STARD13: variants seen among roughly 807,000 people sequenced by gnomAD.
The protein encoded by STARD13 is stAR-related lipid transfer protein 13.
In STARD13, 62 loss-of-function variants were observed where a neutral mutation model predicts 106.4. That is an observed-to-expected ratio of 0.58 (90% CI 0.48 to 0.72). The LOEUF (loss-of-function observed/expected upper bound fraction) is 0.72, where lower values mean the gene tolerates loss of function less well. Ranked by LOEUF, STARD13 falls within the 30% of genes least tolerant of loss-of-function variation. STARD13 has a pLI of 0.00. For missense variants in STARD13, 1,387 were observed against 1,424.0 expected, an observed-to-expected ratio of 0.97 and a Z score of 0.42; for synonymous variants, 565 against 553.0, an observed-to-expected ratio of 1.02 and a Z score of -0.31.
chr13:33,311,357 T>G (rs1468179327), intron 1 of STARD13, among the ~76,000 whole-genome samples: 1 of 152,074 alleles, frequency 6.6e-6, no homozygotes, highest in African/African-American at 2.4e-5. Flanking sequence ...GCAGCTCCAT[T>G]ATAATCTTAT....
intron 1 of STARD13, among the ~76,000 whole-genome samples, chr13:33,263,877 T>C (rs975996323): frequency 2.0e-5 from 3 of 152,200 alleles, no homozygotes; most frequent in African/African-American, 7.2e-5. Context: ...ACTCCTCCGA[T>C]TGAATAATGG....
the STARD13 span, among the ~76,000 whole-genome samples, chr13:33,653,332 A>G: frequency 6.7e-6 from 1 of 150,330 alleles, no homozygotes; most frequent in Non-Finnish European, 1.5e-5. Context: ...GGATAGACAT[A>G]TAGACTAATG....
chr13:33,351,766 T>C (rs998314117), upstream of STARD13, among the ~76,000 whole-genome samples: 4 of 152,238 alleles, frequency 2.6e-5, no homozygotes, highest in African/African-American at 2.4e-5. Context: ...TAATCAGATA[T>C]TCATTTTAAT....
At chr13:33,140,724 A>G (rs994068606) in intron 4 of STARD13, among the ~76,000 whole-genome samples, 1 of 150,264 alleles carries the variant, frequency 6.7e-6, no homozygotes, top group African/African-American at 2.4e-5. Context: ...GGCTTTAATG[A>G]TTTCTCTGTG....
the STARD13 span, among the ~76,000 whole-genome samples, chr13:33,617,272 A>G: frequency 6.6e-6 from 1 of 152,194 alleles, no homozygotes; most frequent in Non-Finnish European, 1.5e-5. Flanking sequence ...GGTACCATGT[A>G]CAGTGTATAT....
the STARD13 span, among the ~76,000 whole-genome samples, chr13:33,432,582 A>G: frequency 6.6e-6 from 1 of 152,230 alleles, no homozygotes; most frequent in Non-Finnish European, 1.5e-5. Context: ...GCTAGACTGC[A>G]GTCAGTACGA....
the STARD13 span, among the ~76,000 whole-genome samples, chr13:33,548,309 T>C: frequency 2.6e-5 from 4 of 152,178 alleles, no homozygotes; most frequent in South Asian, 8.3e-4. Flanking sequence ...TCTTCAGTCT[T>C]CTAACAGAAT....
intron 7 of STARD13, among the ~76,000 whole-genome samples, chr13:33,122,289 C>T (rs1157026654): frequency 1.3e-5 from 2 of 152,234 alleles, no homozygotes; most frequent in East Asian, 3.9e-4. Context: ...CCCTGTTGCT[C>T]ATCCTTCTGA....
chr13:33,223,491 T>A (rs1888461471), intron 1 of STARD13, among the ~76,000 whole-genome samples: 1 of 152,100 alleles, frequency 6.6e-6, no homozygotes, highest in African/African-American at 2.4e-5. Flanking sequence ...AAACCCCATC[T>A]CTACTAAACA....
intron 1 of STARD13, among the ~76,000 whole-genome samples, chr13:33,209,191 C>A (rs374331412): frequency 9.8e-5 from 15 of 152,302 alleles, no homozygotes; most frequent in African/African-American, 3.6e-4. Context: ...AGGACCAGGA[C>A]AACCTAGAGC....
chr13:33,499,761 C>CTT, the STARD13 span, among the ~76,000 whole-genome samples: 26 of 94,570 alleles, frequency 2.7e-4, no homozygotes, highest in African/African-American at 5.1e-4. Context: ...CTTCTTCTTT[C>CTT]TTTTTTTTTT....
At chr13:33,178,941 C>A (rs1884972056) in intron 1 of STARD13, among the ~76,000 whole-genome samples, 1 of 152,108 alleles carries the variant, frequency 6.6e-6, no homozygotes, top group South Asian at 2.1e-4. Context: ...AAAACATGAT[C>A]CAAATTTGTA....
intron 3 of STARD13, among the ~76,000 whole-genome samples, chr13:33,155,036 C>A (rs942660520): frequency 6.6e-6 from 1 of 152,100 alleles, no homozygotes; most frequent in African/African-American, 2.4e-5. Flanking sequence ...CACTCTTAGT[C>A]CTCTCCTCAC....
chr13:33,368,478 A>G, the STARD13 span, among the ~76,000 whole-genome samples: 1 of 152,216 alleles, frequency 6.6e-6, no homozygotes, highest in South Asian at 2.1e-4. Context: ...ATGAGTGACT[A>G]GGATGGAACA....
At chr13:33,537,765 T>C in the STARD13 span, among the ~76,000 whole-genome samples, 1 of 152,238 alleles carries the variant, frequency 6.6e-6, no homozygotes, top group East Asian at 1.9e-4. Context: ...AACATATGCT[T>C]GTATTTTAAG....
the STARD13 span, among the ~76,000 whole-genome samples, chr13:33,364,750 G>T: frequency 6.6e-6 from 1 of 152,176 alleles, no homozygotes; most frequent in African/African-American, 2.4e-5. Flanking sequence ...TTAGCCAGGC[G>T]TGGTGGCGGG....
chr13:33,676,329 C>T, the STARD13 span, among the ~76,000 whole-genome samples: 1 of 152,188 alleles, frequency 6.6e-6, no homozygotes, highest in Non-Finnish European at 1.5e-5. Flanking sequence ...GCACCCAGAC[C>T]CCCTTTCAAC....
At chr13:33,151,007 T>A (rs1177793136) in intron 3 of STARD13, among the ~76,000 whole-genome samples, 1 of 151,994 alleles carries the variant, frequency 6.6e-6, no homozygotes, top group Non-Finnish European at 1.5e-5. Context: ...GATAGAAACA[T>A]GATTAAAAAG....
chr13:33,479,835 C>A, the STARD13 span, among the ~76,000 whole-genome samples: 1 of 152,116 alleles, frequency 6.6e-6, no homozygotes, highest in African/African-American at 2.4e-5. Flanking sequence ...TTTGTTCCTG[C>A]ACTCGCTATG....
Sources: gnomAD v4.1 joint callset for allele counts (sites outside exome capture counted in the v4.1 genomes callset) on GRCh38, gnomAD v4.1.1 for gene constraint, MANE v1.5 for transcripts, NCBI Gene and HGNC (gene_info 2026-07-23, HGNC 2026-07-21) for gene names.